Variants in SENP8 observed in about 807,000 individuals in gnomAD.
SENP8 encodes the protein sentrin-specific protease 8.
In SENP8, 10 loss-of-function variants were observed where a neutral mutation model predicts 14.4. The observed-to-expected ratio is 0.69, with a 90% CI of 0.43 to 1.18. The LOEUF is 1.18. Ranked by LOEUF, SENP8 falls within the 50% of genes most tolerant of loss-of-function variation. The pLI, the probability that SENP8 is intolerant of heterozygous loss-of-function variation, is 0.00. For missense variants in SENP8, 202 were observed against 249.4 expected (o/e 0.81, Z 1.28); for synonymous variants, 94 against 95.5 (o/e 0.98, Z 0.09).
At chr15:72,132,822 T>G (rs2140514293) in intron 1 of SENP8, among the ~76,000 whole-genome samples, 1 of 152,190 alleles carries the variant, frequency 6.6e-6, no homozygotes, top group African/African-American at 2.4e-5. Context: ...TCCTCCACAT[T>G]CCTACTATCA....
chr15:72,139,051 A>C (rs904772177), intron 1 of SENP8, among the ~76,000 whole-genome samples: 20 of 152,018 alleles, frequency 1.3e-4, no homozygotes, highest in Middle Eastern at 3.4e-3. Context: ...TTGTAAATGT[A>C]TTATATACTG....
At chr15:72,124,015 T>A (rs1321947834) in intron 1 of SENP8, among the ~76,000 whole-genome samples, 1 of 152,214 alleles carries the variant, frequency 6.6e-6, no homozygotes, top group African/African-American at 2.4e-5. Flanking sequence ...CCAGACAGAA[T>A]AAAGTGGAAT....
At chr15:72,131,397 A>T (rs539970425) in intron 1 of SENP8, among the ~76,000 whole-genome samples, 1 of 152,086 alleles carries the variant, frequency 6.6e-6, no homozygotes, top group African/African-American at 2.4e-5. Flanking sequence ...CCTAACTAAT[A>T]TTTTTTCTAC....
At chr15:72,129,385 A>G (rs2081249684) in intron 1 of SENP8, among the ~76,000 whole-genome samples, 1 of 150,564 alleles carries the variant, frequency 6.6e-6, no homozygotes, top group African/African-American at 2.4e-5. Flanking sequence ...TTTTTTTGAG[A>G]CAGTTTCGCT....
chr15:72,138,732 G>A (rs2081350841), intron 1 of SENP8, among the ~76,000 whole-genome samples: 1 of 151,236 alleles, frequency 6.6e-6, no homozygotes, highest in Admixed American at 6.6e-5. Context: ...GGAGGCTGAG[G>A]CGGGCGGATC....
At chr15:72,129,332 C>T (rs892570431) in intron 1 of SENP8, among the ~76,000 whole-genome samples, 16 of 151,808 alleles carry the variant, frequency 1.1e-4, no homozygotes, top group East Asian at 9.7e-4. Context: ...GAGTTCAAGA[C>T]GGCCTGGGCA....
At chr15:72,117,566 C>CGCGGGGCGTCTCCGCTGGG (rs2081041164), upstream of SENP8, 1 of 375,222 alleles carries the variant, frequency 2.7e-6, no homozygotes, top group Non-Finnish European at 4.7e-6. Context: ...CAGACCCGCT[C>CGCGGGGCGTCTCCGCTGGG]GCGGGGCGTC....
At chr15:72,118,042 A>C (rs1338558839), upstream of SENP8, 2 of 396,294 alleles carry the variant, frequency 5.0e-6, no homozygotes, top group Non-Finnish European at 8.9e-6. Flanking sequence ...CAACAGACAC[A>C]GCCAACCGCC....
upstream of SENP8, chr15:72,118,161 C>G (rs1370894900): frequency 2.7e-6 from 1 of 371,988 alleles, no homozygotes; most frequent in East Asian, 3.9e-5. Context: ...ACTTACCTCC[C>G]ACGCCCCCTA....
intron 1 of SENP8, among the ~76,000 whole-genome samples, chr15:72,128,051 C>G (rs1468371799): frequency 6.6e-6 from 1 of 151,662 alleles, no homozygotes; most frequent in Non-Finnish European, 1.5e-5. Context: ...TATGATTGCA[C>G]CACTGCACTC....
chr15:72,141,911 G>A lies in SENP8; in HGVS notation c.*1649G>A, dbSNP rs2081383294. 1 of 152,076 alleles carries A rather than the reference G, an allele frequency of 6.6e-6. No individual in the cohort carries two copies. Among genetic ancestry groups the A allele is most frequent in the Non-Finnish European group, 1.5e-5 (1 of 68,008 alleles). The allele number at this position is 152,076 out of a possible 1,614,324, so 9.4% of individuals were successfully genotyped here. On this transcript the variant is annotated 3_prime_UTR_variant, in exon 2 of 2. Coordinates refer to ENST00000340912, the MANE Select transcript of SENP8 (RefSeq NM_145204.4). ...GTGTAGATAAAGATAAGAAAACAATGTTATTTCAGTGACTGTTGACTTAGG... is the reference window on the plus strand; with the variant it reads ...GTGTAGATAAAGATAAGAAAACAATATTATTTCAGTGACTGTTGACTTAGG...
Position 72,132,653 on chromosome 15 carries a change from CTTTTTTTTTT to C in SENP8, c.-47-6912_-47-6903del, listed in dbSNP as rs975388130. 5.6e-5 allele frequency among the ~76,000 whole-genome samples: 7 copies of C among 125,130 alleles called. No individual in the cohort carries two copies. In the South Asian group the frequency reaches 7.9e-4, roughly 14 times the overall value. The allele number at this position is 125,130 out of a possible 152,430, so 82.1% of individuals were successfully genotyped here. On this transcript the variant is annotated intron_variant, in intron 1 of 1. Coordinates refer to ENST00000340912, the MANE Select transcript of SENP8 (RefSeq NM_145204.4). ...GAAACCTTCAGACCATTTCATAATTCTTTTTTTTTTTTTTTTTTTTTAAACAGAGTCTCAC... is the reference window on the plus strand; with the variant it reads ...GAAACCTTCAGACCATTTCATAATTCTTTTTTTTTTTAAACAGAGTCTCAC...
chr15:72,133,960 G>T (rs2081302137), intron 1 of SENP8, among the ~76,000 whole-genome samples: 1 of 151,964 alleles, frequency 6.6e-6, no homozygotes, highest in Non-Finnish European at 1.5e-5. Context: ...TGGGGGTTTT[G>T]TTTTTTTGGA....
chr15:72,134,123 T>C (rs796691922), intron 1 of SENP8, among the ~76,000 whole-genome samples: 14 of 152,308 alleles, frequency 9.2e-5, no homozygotes, highest in African/African-American at 3.1e-4. Flanking sequence ...TTTTTTGTAT[T>C]TTAGTAGAGA....
intron 1 of SENP8, among the ~76,000 whole-genome samples, chr15:72,129,365 C>T (rs888035990): frequency 6.6e-6 from 1 of 150,796 alleles, no homozygotes; most frequent in African/African-American, 2.4e-5. Flanking sequence ...CTCATCTCTA[C>T]AAATTTTTTT....
intron 1 of SENP8, among the ~76,000 whole-genome samples, chr15:72,128,937 T>C (rs1322433444): frequency 6.6e-6 from 1 of 152,236 alleles, no homozygotes; most frequent in Admixed American, 6.5e-5. Context: ...TTCTCTCTTT[T>C]TATTTTTTTA....
At chr15:72,131,992 C>T (rs1342827542) in intron 1 of SENP8, among the ~76,000 whole-genome samples, 1 of 152,098 alleles carries the variant, frequency 6.6e-6, no homozygotes, top group Non-Finnish European at 1.5e-5. Context: ...AGTGTTTTCA[C>T]TCATGTTTTT....
chr15:72,127,368 G>T (rs1364830997), intron 1 of SENP8, among the ~76,000 whole-genome samples: 1 of 152,186 alleles, frequency 6.6e-6, no homozygotes, highest in Admixed American at 6.5e-5. Flanking sequence ...TGAGACCTCT[G>T]TGACTTAGTG....
At chr15:72,124,129 A>G (rs2081192060) in intron 1 of SENP8, among the ~76,000 whole-genome samples, 1 of 152,248 alleles carries the variant, frequency 6.6e-6, no homozygotes, top group Non-Finnish European at 1.5e-5. Context: ...AATGTTGTTT[A>G]AATTCATAGC....
Sources: gnomAD v4.1 joint callset for allele counts (sites outside exome capture counted in the v4.1 genomes callset) on GRCh38, gnomAD v4.1.1 for gene constraint, MANE v1.5 for transcripts, NCBI Gene and HGNC (gene_info 2026-07-23, HGNC 2026-07-21) for gene names.